Variants in LRRC43 observed in about 807,000 individuals in gnomAD.
The protein encoded by LRRC43 is leucine-rich repeat-containing protein 43.
A neutral mutation model predicts 64.3 loss-of-function variants in LRRC43; 62 were observed. That is an observed-to-expected ratio of 0.96 (90% confidence interval 0.79 to 1.19). LRRC43 has a LOEUF of 1.19. LRRC43 is among the 50% of genes most tolerant of loss of function. The probability of loss-of-function intolerance (pLI) is 0.00; values close to 1 mark genes in which losing one functional copy is unlikely to be tolerated. For synonymous variants in LRRC43, 422 were observed against 382.3 expected, an observed-to-expected ratio of 1.10 and a Z score of -1.21; for missense variants, 868 against 845.0, an observed-to-expected ratio of 1.03 and a Z score of -0.34.
rs553177171 is a variant in LRRC43 at position 122,170,321 on chromosome 12, A to C, written c.-406+2539A>C. 2.6e-3 allele frequency among the ~76,000 whole-genome samples: 397 copies of C among 152,174 alleles called. 1 individual carries two copies. The highest frequency in any genetic ancestry group is 3.5e-3 in the Non-Finnish European group (241 of 68,008). On this transcript the variant is annotated intron_variant, in intron 1 of 5. Transcript: ENST00000537729. ...CAAAACCTTGTCATTGGAAACTAGG[A>C]TATCTGGGGGCTTAAATGCCTGCTA... is the stretch of plus-strand genomic sequence containing the variant.
upstream of LRRC43, among the ~76,000 whole-genome samples, chr12:122,180,160 C>G (rs1038190977): frequency 3.9e-5 from 6 of 152,082 alleles, no homozygotes; most frequent in African/African-American, 1.4e-4. Flanking sequence ...AGAAACTTTG[C>G]TGGGAGAGTT....
rs532116586 is a variant in LRRC43 at position 122,199,957 on chromosome 12, C to T, written c.1350-232C>T. Among the ~76,000 whole-genome samples the T allele has an allele frequency of 7.2e-5, 11 of 152,320 alleles. No individual in the cohort carries two copies. The South Asian group carries it at 2.3e-3, about 32-fold the overall frequency. Reference sequence around the variant, plus strand: ...CTTTCAGTTGCTCAGGGTGGTCCTGCCTCTGAAGGAGGGCTCCACTTGCCT... The same window carrying T: ...CTTTCAGTTGCTCAGGGTGGTCCTGTCTCTGAAGGAGGGCTCCACTTGCCT... On this transcript the variant is annotated intron_variant, in intron 7 of 11. Transcript: ENST00000339777.
At chr12:122,168,229 T>G (rs981684707) in intron 1 of LRRC43, among the ~76,000 whole-genome samples, 2 of 148,112 alleles carry the variant, frequency 1.4e-5, no homozygotes, top group Non-Finnish European at 3.0e-5. Context: ...TCACTCAAGG[T>G]CAGGAGTTTG....
chr12:122,184,763 G>T lies in LRRC43; in HGVS notation c.395G>T (p.Arg132Leu). 2.5e-6 allele frequency: 4 copies of T among 1,604,410 alleles called. No homozygotes were observed. The highest frequency in any genetic ancestry group is 2.6e-6 in the Non-Finnish European group (3 of 1,175,464). Residue 132 changes from arginine to leucine, a missense_variant, in exon 2 of 12, where the codon CGG becomes CTG. By Grantham distance (102) the Arg-to-Leu change is moderately radical. Transcript: ENST00000339777. The surrounding 1 kb of genome is among the most constrained non-coding windows in gnomAD (Gnocchi z 4.0). Reference protein sequence around the residue: ...TFFYSYFRSLRVIDKKVTLVD... With the variant: ...TFFYSYFRSLLVIDKKVTLVD... ...TTCTACTCCTACTTCCGGTCCCTGC[G>T]GGTAATAGACAAGAAGGTCAGTGCT... is the stretch of plus-strand genomic sequence containing the variant.
intron 7 of LRRC43, among the ~76,000 whole-genome samples, chr12:122,199,504 G>A (rs1419295045): frequency 2.0e-5 from 3 of 151,396 alleles, no homozygotes; most frequent in East Asian, 2.0e-4. Context: ...GCATGGTCTC[G>A]ATCTCCTGAC....
chr12:122,185,983 A>G (rs1365497078), intron 2 of LRRC43, among the ~76,000 whole-genome samples: 1 of 150,772 alleles, frequency 6.6e-6, no homozygotes, highest in Non-Finnish European at 1.5e-5. Context: ...TGCACCACCT[A>G]TGGTCAGAGG....
chr12:122,193,225 G>A (rs181695776), intron 7 of LRRC43, among the ~76,000 whole-genome samples: 6,967 of 151,064 alleles, frequency 0.046, 502 homozygotes, highest in African/African-American at 0.15. Context: ...CTAAAAATAC[G>A]AAAAAATTAG....
At chr12:122,188,153 C>T (rs1161649379) in intron 4 of LRRC43, among the ~76,000 whole-genome samples, 1 of 152,198 alleles carries the variant, frequency 6.6e-6, no homozygotes, top group Non-Finnish European at 1.5e-5. Context: ...GTCGCCCAGG[C>T]TGGAGCGCAT....
chr12:122,186,122 TG>T, intron 2 of LRRC43, 67 bp from the exon 3 acceptor site: 1 of 834,024 alleles, frequency 1.2e-6, no homozygotes, highest in Non-Finnish European at 2.0e-6. Flanking sequence ...CTTCCTAATG[TG>T]GACATGGGTT....
intron 3 of LRRC43, 39 bp downstream of exon 3, chr12:122,186,339 C>CGCTG (rs1566007631): frequency 3.7e-6 from 5 of 1,359,282 alleles, no homozygotes; most frequent in Non-Finnish European, 5.2e-6. Context: ...TTTGGGCCTC[C>CGCTG]GCTGCCCAGA....
chr12:122,188,396 T>C (rs1216087853), intron 4 of LRRC43, among the ~76,000 whole-genome samples: 1 of 150,058 alleles, frequency 6.7e-6, no homozygotes. Context: ...CGTGAGCCAC[T>C]GTGCCCGGCC....
At chr12:122,183,318 C>G in intron 1 of LRRC43, 24 bp downstream of exon 1, 1 of 1,463,046 alleles carries the variant, frequency 6.8e-7, no homozygotes, top group Non-Finnish European at 8.9e-7. Context: ...GGCCGGAACT[C>G]TGGGGGCCTG....
At chr12:122,192,618 G>C (rs978898655) in intron 6 of LRRC43, 127 bp from the exon 7 acceptor site, 8 of 1,058,970 alleles carry the variant, frequency 7.6e-6, no homozygotes, top group Non-Finnish European at 1.1e-5. Context: ...CTGCCTCCTA[G>C]CGTGGTGTGT....
At chr12:122,183,955 G>T (rs1401909509) in intron 1 of LRRC43, among the ~76,000 whole-genome samples, 1 of 152,042 alleles carries the variant, frequency 6.6e-6, no homozygotes, top group Non-Finnish European at 1.5e-5. Context: ...TGCCCAGGCT[G>T]GTCTCAAACT....
At chr12:122,170,684 T>C (rs562815550) in intron 1 of LRRC43, among the ~76,000 whole-genome samples, 1 of 149,736 alleles carries the variant, frequency 6.7e-6, no homozygotes, top group East Asian at 1.9e-4. Context: ...CCTGTGAGAA[T>C]AAAAATGAGA....
rs942978251 is a variant in LRRC43, at chr12:122,176,019, G to A, written c.-406+8237G>A. ...TGATCAGGCCATTTTATAGGGTATC[G>A]GGAATAGCGGTGAAGAAGTTAGAGT... On this transcript the variant is annotated intron_variant, in intron 1 of 5. Transcript: ENST00000537729. Among the ~76,000 whole-genome samples the A allele has an allele frequency of 7.2e-5, 11 of 152,170 alleles. 1 individual carries two copies. Among genetic ancestry groups the A allele is most frequent in the Non-Finnish European group, 1.3e-4 (9 of 68,028 alleles).
At chr12:122,173,727 T>A in intron 1 of LRRC43, 15 of 763,148 alleles carry the variant, frequency 2.0e-5, no homozygotes, top group Middle Eastern at 2.5e-4. Flanking sequence ...GTTTCCCCCA[T>A]CCCTTCCTGG....
In LRRC43 at chr12:122,192,621, T is replaced by C. The variant is rs892332050; in HGVS notation, c.1090-124T>C. ...CTAAGCGCCTTCCTGCCTCCTAGCG[T>C]GGTGTGTCTGCTCATGCGTGAACCT... On this transcript the variant is annotated intron_variant, in intron 6 of 11. Transcript: ENST00000339777. 3.7e-6 allele frequency: 4 copies of C among 1,082,880 alleles called. No homozygotes were observed. In the African/African-American group the frequency reaches 6.3e-5, roughly 17 times the overall value. 67.1% of individuals were successfully genotyped at this position (1,082,880 alleles called of 1,614,324 possible).
Position 122,191,042 on chromosome 12 carries a change from G to A in LRRC43, c.902-338G>A, listed in dbSNP as rs535374191. On this transcript the variant is annotated intron_variant, in intron 5 of 11. Transcript: ENST00000339777. ...TTCAATCAGCTTCTTCACCTCCCTG[G>A]TGGCTTGAGATCACCCCCTTGTGGT... Among the ~76,000 whole-genome samples the A allele has an allele frequency of 2.5e-4, 38 of 152,280 alleles. No individual in the cohort carries two copies. In the East Asian group the frequency reaches 6.6e-3, roughly 26 times the overall value.
Sources: allele counts gnomAD v4.1 joint callset (sites outside exome capture counted in the v4.1 genomes callset), GRCh38; gene constraint gnomAD v4.1.1; non-coding constraint Gnocchi (gnomAD v3.1); transcripts MANE v1.5; gene names NCBI Gene and HGNC (gene_info 2026-07-23, HGNC 2026-07-21).